Variants in MME observed in about 807,000 individuals in gnomAD.
MME encodes the protein membrane metalloendopeptidase, also known as neprilysin.
In MME, 98 loss-of-function variants were observed where a neutral mutation model predicts 113.2. The ratio of observed to expected loss-of-function variants is 0.87; its 90% CI spans 0.74 to 1.02. The LOEUF is 1.02. MME is among the 50% of genes least tolerant of loss of function. The probability of loss-of-function intolerance (pLI) is 0.00; values close to 1 mark genes in which losing one functional copy is unlikely to be tolerated. For missense variants in MME, 836 were observed against 896.0 expected (o/e 0.93, Z 0.86); for synonymous variants, 292 against 300.6 (o/e 0.97, Z 0.30).
chr3:155,082,703 C>T (rs750719882), intron 1 of MME, among the ~76,000 whole-genome samples: 4 of 152,104 alleles, frequency 2.6e-5, no homozygotes, highest in Non-Finnish European at 5.9e-5. Context: ...CTCATGTAAT[C>T]AAGGGGACAG....
intron 3 of MME, among the ~76,000 whole-genome samples, chr3:155,101,567 C>A (rs892809068): frequency 2.0e-5 from 3 of 152,160 alleles, no homozygotes; most frequent in African/African-American, 4.8e-5. Flanking sequence ...CTGGCTCATT[C>A]CCCACTTCTG....
chr3:155,135,766 G>A lies in MME; in HGVS notation c.721-2336G>A, dbSNP rs1274284376. Among the ~76,000 whole-genome samples the A allele has an allele frequency of 2.0e-5, 3 of 152,188 alleles. No homozygotes were observed. In the South Asian group the frequency reaches 6.2e-4, roughly 32 times the overall value. On this transcript the variant is annotated intron_variant, in intron 8 of 22. Transcript: ENST00000360490. ...TGATACTGATTCTTCCAGTCCATAA[G>A]CATGAAATATTTTTGTTTGTTTGCT...
In MME at chr3:155,067,215, A is replaced by C. The variant is rs548142897; in HGVS notation, c.-10-16943A>C. ...ACACAGGCAATTTGAAAAAAAAAAA[A>C]AAACACCTCTCATTCAAAGATAAAA... On this transcript the variant is annotated intron_variant, in intron 1 of 22. Transcript: ENST00000492661. Among the ~76,000 whole-genome samples the C allele has an allele frequency of 1.8e-3, 273 of 150,940 alleles. 1 individual carries two copies. The highest frequency in any genetic ancestry group is 6.3e-3 in the African/African-American group (260 of 41,328).
chr3:155,097,399 G>C (rs77173436), intron 3 of MME, among the ~76,000 whole-genome samples: 1,543 of 152,240 alleles, frequency 0.01, 15 homozygotes, highest in African/African-American at 0.027. Context: ...AATCAGCGAA[G>C]TGTAAAATCA....
intron 1 of MME, among the ~76,000 whole-genome samples, chr3:155,053,475 A>G (rs928813126): frequency 6.6e-6 from 1 of 152,114 alleles, no homozygotes; most frequent in African/African-American, 2.4e-5. Context: ...CCCTTATAAA[A>G]CCATCAGATC....
intron 3 of MME, chr3:155,085,374 A>C (rs943824755): frequency 7.9e-6 from 2 of 252,424 alleles, no homozygotes; most frequent in Non-Finnish European, 1.5e-5. Context: ...TAGTTGAAGA[A>C]AGAAAATGAA....
chr3:155,073,559 C>A (rs1163463869), intron 1 of MME, among the ~76,000 whole-genome samples: 8 of 152,014 alleles, frequency 5.3e-5, no homozygotes, highest in African/African-American at 1.9e-4. Context: ...AAAAGAGTAT[C>A]AATTTGTACA....
intron 3 of MME, among the ~76,000 whole-genome samples, chr3:155,086,788 G>C (rs1302527472): frequency 6.6e-6 from 1 of 151,868 alleles, no homozygotes; most frequent in Non-Finnish European, 1.5e-5. Context: ...ACCATTTTCT[G>C]CTGGATATTT....
rs529625250 is a variant in MME at position 155,068,795 on chromosome 3, G to A, written c.-10-15363G>A. Among the ~76,000 whole-genome samples the A allele has an allele frequency of 2.6e-5, 4 of 152,298 alleles. No individual in the cohort carries two copies. The East Asian group carries it at 7.7e-4, about 29-fold the overall frequency. On this transcript the variant is annotated intron_variant, in intron 1 of 22. Transcript: ENST00000492661. ...GAACAATGAATTGAGATCAAGAAAA[G>A]ATGAAATAGTGTCTTTCTAAGGATA...
chr3:155,160,258 T>C, intron 16 of MME, 132 bp from the exon 17 acceptor site: 1 of 725,794 alleles, frequency 1.4e-6, no homozygotes, highest in Non-Finnish European at 2.5e-6. Flanking sequence ...GTGAACTAAT[T>C]TTAATTTGTT....
At chr3:155,076,562 G>A (rs1365053957), upstream of MME, among the ~76,000 whole-genome samples, 1 of 152,126 alleles carries the variant, frequency 6.6e-6, no homozygotes, top group East Asian at 1.9e-4. Flanking sequence ...AGGGTTCTTG[G>A]ACCTCTTGCA....
intron 1 of MME, among the ~76,000 whole-genome samples, chr3:155,034,946 A>G (rs920399059): frequency 6.6e-6 from 1 of 152,190 alleles, no homozygotes; most frequent in Non-Finnish European, 1.5e-5. Flanking sequence ...GGCGAAGTAC[A>G]TTGGTTCAGT....
At chr3:155,119,722 T>A (rs1462604777) in intron 8 of MME, among the ~76,000 whole-genome samples, 6 of 151,232 alleles carry the variant, frequency 4.0e-5, no homozygotes, top group Middle Eastern at 3.4e-3. Context: ...ATTTCATCCA[T>A]GTCCCTACAA....
intron 1 of MME, among the ~76,000 whole-genome samples, chr3:155,061,661 GTTT>G (rs1194964540): frequency 4.0e-4 from 53 of 133,718 alleles, no homozygotes; most frequent in African/African-American, 1.5e-3. Flanking sequence ...TTATCTGTAG[GTTT>G]TTTTTTTTTT....
chr3:155,074,151 A>C (rs982564061), intron 1 of MME, among the ~76,000 whole-genome samples: 1 of 151,830 alleles, frequency 6.6e-6, no homozygotes, highest in Non-Finnish European at 1.5e-5. Context: ...AAAGAAAACT[A>C]TCTCTGGTCA....
chr3:155,035,011 C>T (rs1361678022), intron 1 of MME, among the ~76,000 whole-genome samples: 1 of 151,976 alleles, frequency 6.6e-6, no homozygotes, highest in Non-Finnish European at 1.5e-5. Flanking sequence ...AGGGAATGTA[C>T]CAGCACTCAT....
At chr3:155,152,905 A>G (rs531865820) in intron 16 of MME, among the ~76,000 whole-genome samples, 2 of 152,208 alleles carry the variant, frequency 1.3e-5, no homozygotes, top group Non-Finnish European at 2.9e-5. Flanking sequence ...GATACACAAC[A>G]TCATCTTTAA....
intron 8 of MME, among the ~76,000 whole-genome samples, chr3:155,132,773 TG>T (rs1207483177): frequency 6.6e-6 from 1 of 151,874 alleles, no homozygotes; most frequent in African/African-American, 2.4e-5. Flanking sequence ...CATGTTGATT[TG>T]CCTGACGTGG....
intron 8 of MME, among the ~76,000 whole-genome samples, chr3:155,125,546 G>A (rs1488226407): frequency 7.6e-6 from 1 of 131,226 alleles, no homozygotes; most frequent in African/African-American, 2.9e-5. Flanking sequence ...TGCAACCTCC[G>A]CCTCCCTGGT....
Sources: allele counts gnomAD v4.1 joint callset (sites outside exome capture counted in the v4.1 genomes callset), GRCh38; gene constraint gnomAD v4.1.1; transcripts MANE v1.5; gene names NCBI Gene and HGNC (gene_info 2026-07-23, HGNC 2026-07-21).